DDX46: variants seen among roughly 807,000 people sequenced by gnomAD.
DDX46 encodes probable ATP-dependent RNA helicase DDX46.
In DDX46, 30 loss-of-function variants were observed where a neutral mutation model predicts 134.9. The ratio of observed to expected loss-of-function variants is 0.22; its 90% confidence interval spans 0.17 to 0.30. The LOEUF (loss-of-function observed/expected upper bound fraction) is 0.30, where lower values mean the gene tolerates loss of function less well. Among genes scored for constraint, DDX46 ranks in the 10% least tolerant of loss-of-function variants. DDX46 has a pLI of 1.00. For missense variants in DDX46, 622 were observed against 1,248.7 expected (o/e 0.50, Z 7.56); for synonymous variants, 415 against 404.1 (o/e 1.03, Z -0.32).
At chr5:134,808,180 T>A (rs1461889158) in intron 16 of DDX46, among the ~76,000 whole-genome samples, 1 of 152,214 alleles carries the variant, frequency 6.6e-6, no homozygotes, top group Admixed American at 6.5e-5. Flanking sequence ...GTCTTCCCTT[T>A]TAGGTTTTTC....
intron 12 of DDX46, chr5:134,790,138 G>A (rs985699536): frequency 2.1e-6 from 1 of 487,120 alleles, no homozygotes; most frequent in Non-Finnish European, 4.0e-6. Flanking sequence ...GATGTGGCTC[G>A]ATGCTTCATC....
intron 15 of DDX46, among the ~76,000 whole-genome samples, chr5:134,806,583 A>G (rs1328645219): frequency 2.0e-5 from 3 of 152,166 alleles, no homozygotes; most frequent in East Asian, 1.9e-4. Context: ...TTTTTGGTGA[A>G]GTGTTAGATT....
chr5:134,780,957 A>G (rs1754134098), intron 6 of DDX46, 176 bp from the exon 7 acceptor site: 1 of 430,290 alleles, frequency 2.3e-6, no homozygotes. Flanking sequence ...TGAGCCCAGA[A>G]ATTTGAGGTT....
At chr5:134,788,618 C>A in intron 12 of DDX46, 27 bp downstream of exon 12, 1 of 1,596,998 alleles carries the variant, frequency 6.3e-7, no homozygotes, top group Non-Finnish European at 8.6e-7. Context: ...TTTTTGGTGT[C>A]TTTTATTTTT....
chr5:134,795,104 A>T, intron 14 of DDX46, 90 bp downstream of exon 14: 1 of 1,485,726 alleles, frequency 6.7e-7, no homozygotes, highest in South Asian at 1.3e-5. Context: ...GAGGTAGGCA[A>T]GGTAATTTCT....
intron 11 of DDX46, 148 bp from the exon 12 acceptor site, chr5:134,788,365 A>G (rs1754404117): frequency 3.7e-6 from 2 of 539,932 alleles, no homozygotes; most frequent in South Asian, 3.3e-5. Context: ...CGTTGTTGCT[A>G]TTTCTTTAGT....
chr5:134,795,790 G>T (rs948261952), intron 14 of DDX46, among the ~76,000 whole-genome samples, 198 bp from the exon 15 acceptor site: 2 of 152,120 alleles, frequency 1.3e-5, no homozygotes, highest in African/African-American at 4.8e-5. Context: ...ATGATCATTT[G>T]CCCTCATTTG....
chr5:134,764,275 G>GTT (rs113290220), intron 2 of DDX46, among the ~76,000 whole-genome samples, 183 bp downstream of exon 2: 46 of 141,450 alleles, frequency 3.3e-4, no homozygotes, highest in East Asian at 1.0e-3. Context: ...ATCAAACAGT[G>GTT]TTTTTTTTTT....
At chr5:134,814,069 A>C (rs923240943) in intron 18 of DDX46, among the ~76,000 whole-genome samples, 2 of 152,232 alleles carry the variant, frequency 1.3e-5, no homozygotes, top group Non-Finnish European at 2.9e-5. Context: ...TTTAGTTGCC[A>C]TAGGTTAACC....
Position 134,827,043 on chromosome 5 carries a change from C to T in DDX46, c.3051+23C>T, listed in dbSNP as rs747212943. ...CTGGTGAGTGAAAACCTTAAAGTTT[C>T]GTTTGTTTTGTTTTAATAAGTGTTT... is the stretch of plus-strand genomic sequence containing the variant. On this transcript the variant is annotated intron_variant, in intron 22 of 22. Transcript: ENST00000452510. 49 of 1,597,992 alleles carry T rather than the reference C, an allele frequency of 3.1e-5. No individual in the cohort carries two copies. The East Asian group carries it at 4.9e-4, about 16-fold the overall frequency.
At chr5:134,815,779 G>C (rs1755274605) in intron 18 of DDX46, among the ~76,000 whole-genome samples, 2 of 146,736 alleles carry the variant, frequency 1.4e-5, no homozygotes, top group African/African-American at 5.1e-5. Context: ...TCAAAGCAAA[G>C]CATTCATCAT....
At chr5:134,782,356 A>AT (rs1444506102) in intron 8 of DDX46, among the ~76,000 whole-genome samples, 1 of 152,058 alleles carries the variant, frequency 6.6e-6, no homozygotes, top group Non-Finnish European at 1.5e-5. Flanking sequence ...AATACAAAAA[A>AT]CTAGGCTGGG....
At chr5:134,810,784 T>C (rs954235420) in intron 16 of DDX46, among the ~76,000 whole-genome samples, 1 of 151,536 alleles carries the variant, frequency 6.6e-6, no homozygotes, top group African/African-American at 2.4e-5. Flanking sequence ...GGCGGGCGGA[T>C]CACCTGAGGT....
At position 134,780,985 on chromosome 5, in the gene DDX46, C is replaced by T. The variant is rs1277826084; in HGVS notation, c.766-148C>T. ...TTGAGGTTACAGTGAGCTATGATCA[C>T]ACCACTCAAGCCTGGGTGACTGAGA... On this transcript the variant is annotated intron_variant, in intron 6 of 22. Transcript: ENST00000452510. The T allele has an allele frequency of 1.3e-5, 7 of 520,894 alleles. No individual in the cohort carries two copies. In the South Asian group the frequency reaches 1.5e-4, roughly 11 times the overall value. 32.3% of individuals were successfully genotyped at this position (520,894 alleles called of 1,614,324 possible).
At chr5:134,786,579 T>C (rs1280461930) in intron 11 of DDX46, among the ~76,000 whole-genome samples, 2 of 152,112 alleles carry the variant, frequency 1.3e-5, no homozygotes, top group Non-Finnish European at 2.9e-5. Context: ...GCACGGTGGC[T>C]CATGCCTGTA....
At chr5:134,779,617 A>G (rs567335242) in intron 6 of DDX46, among the ~76,000 whole-genome samples, 14 of 152,222 alleles carry the variant, frequency 9.2e-5, no homozygotes, top group Middle Eastern at 3.4e-3. Context: ...TTCTGCTTCA[A>G]CCTTCTTAGT....
chr5:134,806,843 G>A (rs1376353029), intron 15 of DDX46, among the ~76,000 whole-genome samples: 1 of 152,060 alleles, frequency 6.6e-6, no homozygotes, highest in Non-Finnish European at 1.5e-5. Context: ...TGTGGTCTGG[G>A]CATGTCGTAA....
At chr5:134,777,238 G>A (rs1431956818) in intron 5 of DDX46, among the ~76,000 whole-genome samples, 1 of 152,200 alleles carries the variant, frequency 6.6e-6, no homozygotes, top group African/African-American at 2.4e-5. Flanking sequence ...TCATTTAGCA[G>A]AGAAAGTTTG....
At chr5:134,817,465 T>G in intron 19 of DDX46, 31 bp from the exon 20 acceptor site, 226 of 1,593,446 alleles carry the variant, frequency 1.4e-4, no homozygotes, top group Non-Finnish European at 1.8e-4. Context: ...TGCCCTCATT[T>G]GAGATTTAAC....
Sources: allele counts gnomAD v4.1 joint callset (sites outside exome capture counted in the v4.1 genomes callset), GRCh38; gene constraint gnomAD v4.1.1; transcripts MANE v1.5; gene names NCBI Gene and HGNC (gene_info 2026-07-23, HGNC 2026-07-21).